Variants in ZC3HAV1 observed in about 807,000 individuals in gnomAD.
ZC3HAV1 encodes zinc finger CCCH-type containing, antiviral 1.
ZC3HAV1 carries 41 observed loss-of-function variants against 86.6 expected under a neutral mutation model. That is an observed-to-expected ratio of 0.47 (90% CI 0.37 to 0.61). The LOEUF (loss-of-function observed/expected upper bound fraction) is 0.61. Among genes scored for constraint, ZC3HAV1 ranks in the 20% least tolerant of loss-of-function variants. The pLI is 0.00. For synonymous variants in ZC3HAV1, 421 were observed against 432.1 expected (o/e 0.97, Z 0.32); for missense variants, 964 against 1,141.1 (o/e 0.84, Z 2.24).
At chr7:139,101,461 T>C (rs1410008578) in intron 1 of ZC3HAV1, among the ~76,000 whole-genome samples, 3 of 115,424 alleles carry the variant, frequency 2.6e-5, no homozygotes, top group Admixed American at 1.0e-4. Context: ...TGCCGCCCCG[T>C]CTGGGATGTG....
At chr7:139,082,789 C>T (rs1165900038) in intron 3 of ZC3HAV1, among the ~76,000 whole-genome samples, 1 of 151,988 alleles carries the variant, frequency 6.6e-6, no homozygotes, top group Non-Finnish European at 1.5e-5. Flanking sequence ...TTCATACAAA[C>T]AGAAAGCAGA....
At chr7:139,106,693 G>A (rs1486834049) in intron 1 of ZC3HAV1, among the ~76,000 whole-genome samples, 1 of 151,990 alleles carries the variant, frequency 6.6e-6, no homozygotes, top group Non-Finnish European at 1.5e-5. Context: ...AAGACAATCA[G>A]GGAAATTTGA....
At chr7:139,083,112 A>G (rs1056817659) in intron 3 of ZC3HAV1, among the ~76,000 whole-genome samples, 22 of 152,312 alleles carry the variant, frequency 1.4e-4, no homozygotes, top group Admixed American at 3.3e-4. Context: ...CATAGAGAGA[A>G]AGAAAGTGCT....
chr7:139,087,415 CAGAGAGAG>C (rs35425692), intron 2 of ZC3HAV1, among the ~76,000 whole-genome samples: 2 of 133,910 alleles, frequency 1.5e-5, no homozygotes, highest in African/African-American at 5.5e-5. Flanking sequence ...GGGACAGAGA[CAGAGAGAG>C]AGAGAGAGAG....
At chr7:139,095,023 T>C (rs1374617871) in intron 1 of ZC3HAV1, among the ~76,000 whole-genome samples, 7 of 149,768 alleles carry the variant, frequency 4.7e-5, no homozygotes. Context: ...GAAGTACTCC[T>C]TCCCTTCTCT....
At position 139,047,578 on chromosome 7, in the gene ZC3HAV1, G is replaced by A. The variant is rs200145357; in HGVS notation, c.*16C>T. 30 of 1,613,540 alleles carry A rather than the reference G, an allele frequency of 1.9e-5. No individual in the cohort carries two copies. The highest frequency in any genetic ancestry group is 1.5e-4 in the South Asian group (14 of 90,934). On this transcript the variant is annotated 3_prime_UTR_variant, in exon 13 of 13. Transcript: ENST00000242351. ...AGAATGGTTATGGCATCCTTCTGAC[G>A]CTGTATTCATCGGTTCTAACTAATC...
intron 7 of ZC3HAV1, among the ~76,000 whole-genome samples, chr7:139,068,035 TA>T (rs1363248742): frequency 1.2e-5 from 1 of 83,696 alleles, no homozygotes; most frequent in South Asian, 3.2e-4. Flanking sequence ...TTATTATTAT[TA>T]TTATTATTAT....
intron 9 of ZC3HAV1, among the ~76,000 whole-genome samples, chr7:139,058,323 G>A (rs943998288): frequency 5.9e-5 from 9 of 151,940 alleles, no homozygotes; most frequent in African/African-American, 1.9e-4. Context: ...GTGTAGCGGT[G>A]TGCACCCATA....
At chr7:139,081,583 T>A (rs1165095078) in intron 3 of ZC3HAV1, among the ~76,000 whole-genome samples, 1 of 152,244 alleles carries the variant, frequency 6.6e-6, no homozygotes, top group Non-Finnish European at 1.5e-5. Context: ...TTTCTAGTGA[T>A]GTGAGGCCTT....
At chr7:139,071,068 C>T (rs1260945475) in intron 7 of ZC3HAV1, among the ~76,000 whole-genome samples, 1 of 147,646 alleles carries the variant, frequency 6.8e-6, no homozygotes, top group Non-Finnish European at 1.5e-5. Flanking sequence ...AATACAGTAT[C>T]TTTCCCCCAA....
At chr7:139,095,690 C>A (rs1817564993) in intron 1 of ZC3HAV1, among the ~76,000 whole-genome samples, 1 of 152,188 alleles carries the variant, frequency 6.6e-6, no homozygotes, top group Non-Finnish European at 1.5e-5. Context: ...GGACAAACAG[C>A]ACCGGTGCCA....
At chr7:139,071,181 C>A (rs185966474) in intron 7 of ZC3HAV1, among the ~76,000 whole-genome samples, 1 of 151,688 alleles carries the variant, frequency 6.6e-6, no homozygotes, top group Admixed American at 6.6e-5. Flanking sequence ...ACTGCAACCC[C>A]TACCTCCTTG....
In ZC3HAV1 at chr7:139,046,916, T is replaced by C. The variant is rs1815969976; in HGVS notation, c.*678A>G. The C allele has an allele frequency of 6.6e-6, 1 of 152,166 alleles. No individual in the cohort carries two copies. Among genetic ancestry groups the C allele is most frequent in the African/African-American group, 2.4e-5 (1 of 41,422 alleles). 9.4% of individuals were successfully genotyped at this position (152,166 alleles called of 1,614,324 possible). On this transcript the variant is annotated 3_prime_UTR_variant, in exon 13 of 13. Coordinates refer to ENST00000242351, the MANE Select transcript of ZC3HAV1 (RefSeq NM_020119.4). ...CATGGCATACAGTAAACTAAAAGGG[T>C]AGACAGGAGAGAAAGGTTGCTGCAA...
At chr7:139,060,132 C>T (rs1370068730) in intron 9 of ZC3HAV1, among the ~76,000 whole-genome samples, 1 of 152,168 alleles carries the variant, frequency 6.6e-6, no homozygotes, top group East Asian at 1.9e-4. Context: ...CCTGATATAG[C>T]TCAGTTTCCA....
intron 7 of ZC3HAV1, among the ~76,000 whole-genome samples, chr7:139,070,050 T>C (rs548828347): frequency 2.0e-5 from 3 of 152,198 alleles, no homozygotes; most frequent in South Asian, 2.1e-4. Flanking sequence ...TTAATTTTAC[T>C]TGGACTCCCA....
In ZC3HAV1 at chr7:139,109,409, C is replaced by T. The variant is rs1320256235; in HGVS notation, c.-78G>A. The T allele has an allele frequency of 2.0e-5, 29 of 1,438,480 alleles. No individual in the cohort carries two copies. Among genetic ancestry groups the T allele is most frequent in the Non-Finnish European group, 2.5e-5 (27 of 1,098,302 alleles). 89.1% of individuals were successfully genotyped at this position (1,438,480 alleles called of 1,614,324 possible). A position where few individuals can be genotyped will look rare whatever the true frequency, so the allele number is the denominator to read the frequency against. ...ATCGGAAATCGAAACTTACAAGTGT[C>T]CAGGGGCGGGCGCGGGCGGTGCTAC... On this transcript the variant is annotated 5_prime_UTR_variant, in exon 1 of 13. Transcript: ENST00000242351.
intron 8 of ZC3HAV1, among the ~76,000 whole-genome samples, chr7:139,063,237 C>A (rs1242962857): frequency 8.2e-6 from 1 of 121,710 alleles, no homozygotes. Context: ...AAAAACAATA[C>A]AATACCACCT....
intron 3 of ZC3HAV1, among the ~76,000 whole-genome samples, chr7:139,081,849 T>C (rs1271178872): frequency 6.6e-6 from 1 of 152,244 alleles, no homozygotes; most frequent in African/African-American, 2.4e-5. Flanking sequence ...AATTGTTCAT[T>C]AATTTGCACA....
chr7:139,063,328 C>A (rs1243097699), intron 8 of ZC3HAV1, among the ~76,000 whole-genome samples: 1 of 152,068 alleles, frequency 6.6e-6, no homozygotes, highest in South Asian at 2.1e-4. Flanking sequence ...ATCTTCCAGT[C>A]GGCCCACATG....
Sources: gnomAD v4.1 joint callset for allele counts (sites outside exome capture counted in the v4.1 genomes callset) on GRCh38, gnomAD v4.1.1 for gene constraint, MANE v1.5 for transcripts, NCBI Gene and HGNC (gene_info 2026-07-23, HGNC 2026-07-21) for gene names.